Variants in KCNK12 observed in about 807,000 individuals in gnomAD.
KCNK12 encodes potassium two pore domain channel subfamily K member 12, also known as potassium channel subfamily K member 12.
Under a neutral mutation model 25.3 loss-of-function variants are expected in KCNK12, and 6 were observed. The ratio of observed to expected loss-of-function variants is 0.24; its 90% confidence interval spans 0.13 to 0.47. The LOEUF is 0.47. Among genes scored for constraint, KCNK12 ranks in the 20% least tolerant of loss-of-function variants. The pLI is 0.99. For missense variants in KCNK12, 444 were observed against 661.7 expected (o/e 0.67, Z 3.61); for synonymous variants, 331 against 311.1 (o/e 1.06, Z -0.67).
Position 47,520,869 on chromosome 2 carries a change from G to A in KCNK12, c.*38C>T, listed in dbSNP as rs1668636771. Reference sequence around the variant, plus strand: ...AGCAAACCACGCCCGGCGGCCCCGCGGCCTGGAGAGGGTCCCCGGCGCGGG... The same window carrying A: ...AGCAAACCACGCCCGGCGGCCCCGCAGCCTGGAGAGGGTCCCCGGCGCGGG... On this transcript the variant is annotated 3_prime_UTR_variant, in exon 2 of 2. Transcript: ENST00000327876. The surrounding 1 kb of genome is among the most constrained non-coding windows in gnomAD (Gnocchi z 5.0). 2 of 1,220,664 alleles carry A rather than the reference G, an allele frequency of 1.6e-6. No individual in the cohort carries two copies. Among genetic ancestry groups the A allele is most frequent in the Non-Finnish European group, 1.0e-6 (1 of 975,754 alleles). The allele number at this position is 1,220,664 out of a possible 1,614,324, so 75.6% of individuals were successfully genotyped here.
rs991394200 is a variant in KCNK12, at chr2:47,529,870, G to T, written c.392-8062C>A. Among the ~76,000 whole-genome samples, 1 of 152,148 alleles carries T rather than the reference G, an allele frequency of 6.6e-6. No homozygotes were observed. The highest frequency in any genetic ancestry group is 6.5e-5 in the Admixed American group (1 of 15,274). On this transcript the variant is annotated intron_variant, in intron 1 of 1. Coordinates refer to ENST00000327876, the MANE Select transcript of KCNK12 (RefSeq NM_022055.2). The surrounding 1 kb of genome is among the most constrained non-coding windows in gnomAD (Gnocchi z 4.3). ...ACAAGAAATCATTTTTTAAGTATAAGTATGTCCCAAATATTGCATAGGACA... is the reference window on the plus strand; with the variant it reads ...ACAAGAAATCATTTTTTAAGTATAATTATGTCCCAAATATTGCATAGGACA...
At position 47,521,030 on chromosome 2, in the gene KCNK12, C is replaced by T; in HGVS notation, c.1170G>A (p.Ser390=). The part of the protein sequence containing the change: ...VSLALLQKQL[S]ETANGYPRSV... ...TGCGCGGGTAGCCGTTGGCCGTCTCCGACAGCTGCTTCTGCAGCAGCGCCA... is the reference window on the plus strand; with the variant it reads ...TGCGCGGGTAGCCGTTGGCCGTCTCTGACAGCTGCTTCTGCAGCAGCGCCA... The change falls in exon 2 of 2, where the codon TCG becomes TCA. Residue 390 remains serine, a synonymous_variant. Transcript: ENST00000327876. 1 of 1,399,758 alleles carries T rather than the reference C, an allele frequency of 7.1e-7. No homozygotes were observed. The highest frequency in any genetic ancestry group is 9.3e-7 in the Non-Finnish European group (1 of 1,073,210). 86.7% of individuals were successfully genotyped at this position (1,399,758 alleles called of 1,614,324 possible). A position where few individuals can be genotyped will look rare whatever the true frequency, so the allele number is the denominator to read the frequency against.
chr2:47,557,393 C>T lies in KCNK12; in HGVS notation c.391+12548G>A, dbSNP rs1456522636. ...TGCCAGAGCCCTCTATCATAAACTTCCCAGCCTCCAGAATGGTGAGTGAAA... is the reference window on the plus strand; with the variant it reads ...TGCCAGAGCCCTCTATCATAAACTTTCCAGCCTCCAGAATGGTGAGTGAAA... On this transcript the variant is annotated intron_variant, in intron 1 of 1. Transcript: ENST00000327876. The surrounding 1 kb of genome is among the most constrained non-coding windows in gnomAD (Gnocchi z 4.9). Among the ~76,000 whole-genome samples, 1 of 152,084 alleles carries T rather than the reference C, an allele frequency of 6.6e-6. No individual in the cohort carries two copies. Among genetic ancestry groups the T allele is most frequent in the African/African-American group, 2.4e-5 (1 of 41,402 alleles).
intron 1 of KCNK12, among the ~76,000 whole-genome samples, chr2:47,553,693 C>G (rs776518991): frequency 1.3e-5 from 2 of 152,224 alleles, no homozygotes; most frequent in African/African-American, 2.4e-5. Context: ...TGTTCAAGAA[C>G]TCCAGTGGTT....
chr2:47,567,401 T>C (rs1352301339), intron 1 of KCNK12, among the ~76,000 whole-genome samples: 2 of 152,224 alleles, frequency 1.3e-5, no homozygotes, highest in Non-Finnish European at 2.9e-5. Flanking sequence ...TAATTGTCTT[T>C]GAAGATTCAG....
At chr2:47,568,626 C>G (rs1359832705) in intron 1 of KCNK12, among the ~76,000 whole-genome samples, 1 of 152,216 alleles carries the variant, frequency 6.6e-6, no homozygotes, top group African/African-American at 2.4e-5. Flanking sequence ...CTGCCTCCAA[C>G]CAGCCATCTG....
rs895034127 is a variant in KCNK12 at position 47,511,565 on chromosome 2, A to G, written c.*9342T>C. 6.6e-6 allele frequency among the ~76,000 whole-genome samples: 1 copy of G among 152,188 alleles called. No homozygotes were observed. The highest frequency in any genetic ancestry group is 6.5e-5 in the Admixed American group (1 of 15,280). On this transcript the variant is annotated 3_prime_UTR_variant, in exon 2 of 2. Transcript: ENST00000327876. The surrounding 1 kb of genome is among the most constrained non-coding windows in gnomAD (Gnocchi z 4.3). ...GTTACCCGCACAGGTGTGACATCAC[A>G]GGGTAACCAAATGCTTTTGCCCTGG...
At chr2:47,536,756 T>TTAAGGAAGCATTTAC (rs1669077928) in intron 1 of KCNK12, among the ~76,000 whole-genome samples, 2 of 152,014 alleles carry the variant, frequency 1.3e-5, no homozygotes, top group African/African-American at 4.8e-5. Context: ...AGGTGATTTA[T>TTAAGGAAGCATTTAC]GGAGGACTTA....
chr2:47,535,313 G>T (rs1470119227), intron 1 of KCNK12: 1 of 233,144 alleles, frequency 4.3e-6, no homozygotes, highest in Non-Finnish European at 8.5e-6. Context: ...GGCTGGTAAA[G>T]GGGCTGCCCA....
At position 47,569,375 on chromosome 2, in the gene KCNK12, G is replaced by T. The variant is rs1052164347; in HGVS notation, c.391+566C>A. 1.3e-5 allele frequency among the ~76,000 whole-genome samples: 2 copies of T among 151,364 alleles called. No homozygotes were observed. Among genetic ancestry groups the T allele is most frequent in the East Asian group, 3.9e-4 (2 of 5,182 alleles). On this transcript the variant is annotated intron_variant, in intron 1 of 1. Coordinates refer to ENST00000327876, the MANE Select transcript of KCNK12 (RefSeq NM_022055.2). The surrounding 1 kb of genome is among the most constrained non-coding windows in gnomAD (Gnocchi z 4.1). ...GCCTCAGGCTAACGGGCTTTACTTT[G>T]GGGGGCGGTATAGACTGTAGGAGAA...
chr2:47,550,229 G>A (rs940078017), intron 1 of KCNK12, among the ~76,000 whole-genome samples: 1 of 151,966 alleles, frequency 6.6e-6, no homozygotes, highest in Non-Finnish European at 1.5e-5. Flanking sequence ...TTATAAACAC[G>A]CAGATCCAAG....
chr2:47,529,229 C>T lies in KCNK12; in HGVS notation c.392-7421G>A, dbSNP rs911926586. 15 of 152,142 alleles carry T rather than the reference C, an allele frequency of 9.9e-5. No homozygotes were observed. The highest frequency in any genetic ancestry group is 3.4e-4 in the African/African-American group (14 of 41,414). 9.4% of individuals were successfully genotyped at this position (152,142 alleles called of 1,614,324 possible). A position where few individuals can be genotyped will look rare whatever the true frequency, so the allele number is the denominator to read the frequency against. The stretch of plus-strand genomic sequence containing the variant: ...ATTACCCCAGGACAGCATGTATAAA[C>T]CAGGGCTGTTCCAAGCAACTGGGAC... On this transcript the variant is annotated intron_variant, in intron 1 of 1. Transcript: ENST00000327876. This position sits in a 1 kb window ranked among gnomAD's most constrained non-coding sequence, Gnocchi z 4.3.
In KCNK12 at chr2:47,512,371, G is replaced by A. The variant is rs776464665; in HGVS notation, c.*8536C>T. ...TGACATGGAAAAGGAAACTTCGTGG[G>A]GGAAAGAGATCTGCTTGCAGTCGGC... On this transcript the variant is annotated 3_prime_UTR_variant, in exon 2 of 2. Coordinates refer to ENST00000327876, the MANE Select transcript of KCNK12 (RefSeq NM_022055.2). The A allele has an allele frequency of 6.2e-7, 1 of 1,612,238 alleles. No individual in the cohort carries two copies. Among genetic ancestry groups the A allele is most frequent in the Admixed American group, 1.7e-5 (1 of 59,950 alleles).
rs1052279767 is a variant in KCNK12 at position 47,569,701 on chromosome 2, T to C, written c.391+240A>G. Among the ~76,000 whole-genome samples, 2 of 152,068 alleles carry C rather than the reference T, an allele frequency of 1.3e-5. No individual in the cohort carries two copies. The highest frequency in any genetic ancestry group is 2.9e-5 in the Non-Finnish European group (2 of 67,994). ...GGTCAGATCACAGAGCCGGCCAGTG[T>C]TGGAGCACAGGCGGCCCGGGGTGAG... On this transcript the variant is annotated intron_variant, in intron 1 of 1. Coordinates refer to ENST00000327876, the MANE Select transcript of KCNK12 (RefSeq NM_022055.2). This position sits in a 1 kb window ranked among gnomAD's most constrained non-coding sequence, Gnocchi z 4.1.
In KCNK12 at chr2:47,520,065, T is replaced by A. The variant is rs1052578709; in HGVS notation, c.*842A>T. The A allele has an allele frequency of 6.6e-6, 1 of 152,228 alleles. No individual in the cohort carries two copies. Among genetic ancestry groups the A allele is most frequent in the African/African-American group, 2.4e-5 (1 of 41,462 alleles). The allele number at this position is 152,228 out of a possible 1,614,324, so 9.4% of individuals were successfully genotyped here. A position where few individuals can be genotyped will look rare whatever the true frequency, so the allele number is the denominator to read the frequency against. On this transcript the variant is annotated 3_prime_UTR_variant, in exon 2 of 2. Coordinates refer to ENST00000327876, the MANE Select transcript of KCNK12 (RefSeq NM_022055.2). The surrounding 1 kb of genome is among the most constrained non-coding windows in gnomAD (Gnocchi z 5.0). ...ATTCCTGGTTAATATTGAAAAGCAC[T>A]GCTGTGGATGAGCTTGTGAAAGAAA...
intron 1 of KCNK12, among the ~76,000 whole-genome samples, chr2:47,534,116 G>C (rs886248209): frequency 1.3e-5 from 2 of 152,064 alleles, no homozygotes; most frequent in Non-Finnish European, 2.9e-5. Context: ...GCTCAGGCCA[G>C]TGACTTCTAA....
Position 47,562,896 on chromosome 2 carries a change from A to T in KCNK12, c.391+7045T>A. 4.3e-6 allele frequency: 1 copy of T among 233,172 alleles called. No individual in the cohort carries two copies. Among genetic ancestry groups the T allele is most frequent in the East Asian group, 6.0e-5 (1 of 16,564 alleles). 14.4% of individuals were successfully genotyped at this position (233,172 alleles called of 1,614,324 possible). ...CCAAAGCACCCACCTTGGGCTCCACACACTTTCCGGATTGCTGGCTGGTGG... is the reference window on the plus strand; with the variant it reads ...CCAAAGCACCCACCTTGGGCTCCACTCACTTTCCGGATTGCTGGCTGGTGG... On this transcript the variant is annotated intron_variant, in intron 1 of 1. Transcript: ENST00000327876. This position sits in a 1 kb window ranked among gnomAD's most constrained non-coding sequence, Gnocchi z 4.8.
rs1487658209 is a variant in KCNK12 at position 47,560,675 on chromosome 2, TG to T, written c.391+9265del. 6.6e-6 allele frequency among the ~76,000 whole-genome samples: 1 copy of T among 152,240 alleles called. No homozygotes were observed. The highest frequency in any genetic ancestry group is 1.5e-5 in the Non-Finnish European group (1 of 68,042). On this transcript the variant is annotated intron_variant, in intron 1 of 1. Coordinates refer to ENST00000327876, the MANE Select transcript of KCNK12 (RefSeq NM_022055.2). This position sits in a 1 kb window ranked among gnomAD's most constrained non-coding sequence, Gnocchi z 4.7. Reference sequence around the variant, plus strand: ...TGAAATGGGATATAATTTTCTTTGCTGTCCTAGGATTTTTGGGAGCTTACTG... The same window carrying T: ...TGAAATGGGATATAATTTTCTTTGCTTCCTAGGATTTTTGGGAGCTTACTG...
chr2:47,534,709 C>T (rs1314059260), intron 1 of KCNK12, among the ~76,000 whole-genome samples: 1 of 152,078 alleles, frequency 6.6e-6, no homozygotes, highest in Non-Finnish European at 1.5e-5. Flanking sequence ...CCTCCCACCT[C>T]AGGGCGCTCA....
Sources: gnomAD v4.1 joint callset for allele counts (sites outside exome capture counted in the v4.1 genomes callset) on GRCh38, gnomAD v4.1.1 for gene constraint, Gnocchi (gnomAD v3.1) non-coding constraint, MANE v1.5 for transcripts, NCBI Gene and HGNC (gene_info 2026-07-23, HGNC 2026-07-21) for gene names.